NRXN1: variants seen among roughly 807,000 people sequenced by gnomAD.
NRXN1 encodes neurexin-1.
A neutral mutation model predicts 150.9 loss-of-function variants in NRXN1; 39 were observed. The ratio of observed to expected loss-of-function variants is 0.26; its 90% confidence interval spans 0.20 to 0.34. NRXN1 has a LOEUF of 0.34. NRXN1 is among the 10% of genes least tolerant of loss of function. The probability of loss-of-function intolerance (pLI) is 1.00; values close to 1 mark genes in which losing one functional copy is unlikely to be tolerated. For missense variants in NRXN1, 1,815 were observed against 1,949.9 expected (o/e 0.93, Z 1.30); for synonymous variants, 924 against 757.0 (o/e 1.22, Z -3.62).
chr2:50,950,702 C>T (rs185103696), intron 2 of NRXN1, among the ~76,000 whole-genome samples: 1 of 152,104 alleles, frequency 6.6e-6, no homozygotes, highest in Non-Finnish European at 1.5e-5. Context: ...AACATTATTT[C>T]GGTAACAACA....
intron 17 of NRXN1, among the ~76,000 whole-genome samples, chr2:50,261,015 C>T (rs1558398066): frequency 6.6e-6 from 1 of 151,574 alleles, no homozygotes. Flanking sequence ...AAAAAAAATC[C>T]CTCAAAAAGA....
intron 13 of NRXN1, among the ~76,000 whole-genome samples, chr2:50,500,917 G>C (rs980053229): frequency 6.6e-6 from 1 of 152,138 alleles, no homozygotes; most frequent in African/African-American, 2.4e-5. Flanking sequence ...GCTAGCCTTG[G>C]TATTGGAGAA....
intron 19 of NRXN1, among the ~76,000 whole-genome samples, chr2:50,075,017 A>G (rs1696859600): frequency 6.6e-6 from 1 of 152,354 alleles, no homozygotes. Flanking sequence ...AACAGATCTA[A>G]TCCTAGATTT....
rs559802480 is a variant in NRXN1 at position 50,721,949 on chromosome 2, T to C, written c.833-98334A>G. Among the ~76,000 whole-genome samples, 31 of 152,292 alleles carry C rather than the reference T, an allele frequency of 2.0e-4. No homozygotes were observed. The South Asian group carries it at 5.0e-3, about 24-fold the overall frequency. Reference sequence around the variant, plus strand: ...ACCAGAATTATTTAACAGAGTTGAATTGTGATTTTTGCATTTCTCGGGAAA... The same window carrying C: ...ACCAGAATTATTTAACAGAGTTGAACTGTGATTTTTGCATTTCTCGGGAAA... On this transcript the variant is annotated intron_variant, in intron 5 of 22. Coordinates refer to ENST00000401669, the MANE Select transcript of NRXN1 (RefSeq NM_001330078.2).
chr2:51,002,081 A>T (rs1330923457), intron 2 of NRXN1, among the ~76,000 whole-genome samples: 1 of 152,008 alleles, frequency 6.6e-6, no homozygotes, highest in Admixed American at 6.6e-5. Flanking sequence ...CTCTTCATCA[A>T]ACCTAGCACA....
chr2:50,166,325 TTGTGTGTGTGTGTG>T (rs1290023211), intron 18 of NRXN1, among the ~76,000 whole-genome samples: 1 of 73,316 alleles, frequency 1.4e-5, no homozygotes, highest in South Asian at 4.6e-4. Flanking sequence ...GTGTGTGTGT[TTGTGTGTGTGTGTG>T]TGTTCAAGAA....
intron 2 of NRXN1, among the ~76,000 whole-genome samples, chr2:50,999,955 C>T (rs934511396): frequency 6.6e-6 from 1 of 151,992 alleles, no homozygotes; most frequent in Non-Finnish European, 1.5e-5. Flanking sequence ...TTTTCAGATA[C>T]TTTTCAAATA....
intron 8 of NRXN1, among the ~76,000 whole-genome samples, chr2:50,603,192 T>C (rs911020282): frequency 1.3e-5 from 2 of 152,174 alleles, no homozygotes; most frequent in Non-Finnish European, 2.9e-5. Flanking sequence ...ATATCCAGTA[T>C]TTTGAATTTT....
At chr2:50,826,395 G>T (rs1670451133) in intron 5 of NRXN1, among the ~76,000 whole-genome samples, 1 of 152,164 alleles carries the variant, frequency 6.6e-6, no homozygotes, top group Non-Finnish European at 1.5e-5. Context: ...AGTGAGGTAT[G>T]ATGCAGCCTG....
At chr2:50,893,321 G>T (rs1228844729) in intron 5 of NRXN1, among the ~76,000 whole-genome samples, 1 of 152,052 alleles carries the variant, frequency 6.6e-6, no homozygotes, top group Non-Finnish European at 1.5e-5. Context: ...GCCACAAAAG[G>T]ACAGACAATT....
chr2:50,165,511 G>C (rs1014132456), intron 18 of NRXN1, among the ~76,000 whole-genome samples: 1 of 152,082 alleles, frequency 6.6e-6, no homozygotes, highest in Admixed American at 6.6e-5. Context: ...ACCACGTCTG[G>C]CTAACTTTTG....
Position 50,075,791 on chromosome 2 carries a change from AC to A in NRXN1, c.3718+15531del. 2.9e-5 allele frequency among the ~76,000 whole-genome samples: 2 copies of A among 69,350 alleles called. 1 individual carries two copies. Among genetic ancestry groups the A allele is most frequent in the Middle Eastern group, 0.015 (2 of 134 alleles). 45.5% of individuals were successfully genotyped at this position (69,350 alleles called of 152,430 possible). On this transcript the variant is annotated intron_variant, in intron 19 of 22. Coordinates refer to ENST00000401669, the MANE Select transcript of NRXN1 (RefSeq NM_001330078.2). Reference sequence around the variant, plus strand: ...TTGGGCAATCCCAACGTGCTTGGTGACAAAGGAAAAAAAAAACAGCTCTACT... The same window carrying A: ...TTGGGCAATCCCAACGTGCTTGGTGAAAAGGAAAAAAAAAACAGCTCTACT...
At chr2:50,065,114 A>G (rs898854765) in intron 19 of NRXN1, among the ~76,000 whole-genome samples, 4 of 152,184 alleles carry the variant, frequency 2.6e-5, no homozygotes, top group Admixed American at 6.6e-5. Flanking sequence ...TGAAGAAAAC[A>G]AAGGACCACC....
chr2:50,837,400 G>A (rs1672266641), intron 5 of NRXN1, among the ~76,000 whole-genome samples: 1 of 152,096 alleles, frequency 6.6e-6, no homozygotes, highest in Non-Finnish European at 1.5e-5. Flanking sequence ...TGGGTCAGAT[G>A]AGAATGGGTT....
intron 18 of NRXN1, among the ~76,000 whole-genome samples, chr2:50,171,236 A>AGTGTGTGTGT (rs10666950): frequency 4.2e-4 from 62 of 149,060 alleles, no homozygotes; most frequent in Non-Finnish European, 7.2e-4. Context: ...TCAAGACTCA[A>AGTGTGTGTGT]GTGTGTGTGT....
chr2:51,031,878 T>G (rs1671627090), intron 1 of NRXN1, 103 bp downstream of exon 1: 1 of 152,068 alleles, frequency 6.6e-6, no homozygotes, highest in Non-Finnish European at 1.5e-5. Flanking sequence ...TCTTTCCCTG[T>G]GTATTTGTGG....
chr2:50,765,126 T>A (rs751605731), intron 5 of NRXN1, among the ~76,000 whole-genome samples: 1 of 152,062 alleles, frequency 6.6e-6, no homozygotes, highest in Non-Finnish European at 1.5e-5. Flanking sequence ...CCTCTTTCCA[T>A]GAAACTAACT....
intron 21 of NRXN1, among the ~76,000 whole-genome samples, chr2:49,969,359 A>G (rs558757639): frequency 1.3e-4 from 20 of 152,182 alleles, no homozygotes; most frequent in African/African-American, 4.1e-4. Context: ...ATCATGCAAA[A>G]TAATTCATTA....
intron 12 of NRXN1, among the ~76,000 whole-genome samples, chr2:50,520,482 A>C (rs1377582480): frequency 2.6e-5 from 4 of 151,874 alleles, no homozygotes; most frequent in Non-Finnish European, 4.4e-5. Flanking sequence ...ACTAAAAATT[A>C]CCTCAATCTC....
Sources: allele counts gnomAD v4.1 joint callset (sites outside exome capture counted in the v4.1 genomes callset), GRCh38; gene constraint gnomAD v4.1.1; transcripts MANE v1.5; gene names NCBI Gene and HGNC (gene_info 2026-07-23, HGNC 2026-07-21).